Variants in RASGRF2 observed in about 807,000 individuals in gnomAD.
The protein encoded by RASGRF2 is Ras protein specific guanine nucleotide releasing factor 2.
Under a neutral mutation model 151.0 loss-of-function variants are expected in RASGRF2, and 76 were observed. The observed-to-expected ratio is 0.50, with a 90% CI of 0.42 to 0.61. The LOEUF (loss-of-function observed/expected upper bound fraction) is 0.61. Among genes scored for constraint, RASGRF2 ranks in the 20% least tolerant of loss-of-function variants. The pLI is 0.00. For missense variants in RASGRF2, 1,148 were observed against 1,564.6 expected (o/e 0.73, Z 4.49); for synonymous variants, 504 against 566.5 (o/e 0.89, Z 1.57).
chr5:81,144,336 A>G (rs531384185), intron 17 of RASGRF2, among the ~76,000 whole-genome samples: 7 of 152,332 alleles, frequency 4.6e-5, no homozygotes, highest in Non-Finnish European at 8.8e-5. Flanking sequence ...GGGGCTTTCA[A>G]TCTGCCAGGA....
intron 17 of RASGRF2, among the ~76,000 whole-genome samples, chr5:81,176,441 A>T (rs888960563): frequency 2.0e-5 from 3 of 152,160 alleles, no homozygotes; most frequent in Non-Finnish European, 4.4e-5. Flanking sequence ...CTATTGTATT[A>T]ATATCTCACA....
intron 25 of RASGRF2, among the ~76,000 whole-genome samples, chr5:81,218,033 C>A (rs188457614): frequency 1.3e-5 from 2 of 152,068 alleles, no homozygotes; most frequent in Non-Finnish European, 2.9e-5. Flanking sequence ...TGAGCTACCG[C>A]ACCTGGCGAC....
intron 18 of RASGRF2, among the ~76,000 whole-genome samples, chr5:81,190,806 T>G (rs1453476535): frequency 6.6e-6 from 1 of 152,246 alleles, no homozygotes; most frequent in African/African-American, 2.4e-5. Flanking sequence ...TTTTAGGAAG[T>G]GTGCCTTCAA....
At chr5:81,062,804 A>G (rs999204829) in intron 2 of RASGRF2, among the ~76,000 whole-genome samples, 1 of 151,900 alleles carries the variant, frequency 6.6e-6, no homozygotes, top group Non-Finnish European at 1.5e-5. Flanking sequence ...ATTCAATGTC[A>G]TTTTATTGTC....
chr5:81,161,194 T>TC (rs1754375860), intron 17 of RASGRF2, among the ~76,000 whole-genome samples: 1 of 152,162 alleles, frequency 6.6e-6, no homozygotes, highest in Admixed American at 6.5e-5. Context: ...CTCAGATGGG[T>TC]CAAGGACTCA....
intron 1 of RASGRF2, among the ~76,000 whole-genome samples, chr5:81,003,476 G>A (rs953294357): frequency 3.3e-5 from 5 of 152,064 alleles, no homozygotes; most frequent in African/African-American, 9.7e-5. Flanking sequence ...GCCCGCCTTG[G>A]CCTCCCAAAG....
At chr5:81,026,594 A>G (rs554363458) in intron 1 of RASGRF2, among the ~76,000 whole-genome samples, 1 of 152,336 alleles carries the variant, frequency 6.6e-6, no homozygotes, top group African/African-American at 2.4e-5. Context: ...AATGGGAGAG[A>G]GAATGCTTGG....
Position 81,123,641 on chromosome 5 carries a change from G to T in RASGRF2, c.2471-1G>T, listed in dbSNP as rs1372445602. On this transcript the variant is annotated splice_acceptor_variant, in intron 15 of 26. Transcript: ENST00000265080. LOFTEE classifies it high-confidence loss of function. ...TTAAAATTCATGATGTTTTCAAGCAGCAGTCCTAGAGTCTGCACCAGCGGA... is the reference window on the plus strand; with the variant it reads ...TTAAAATTCATGATGTTTTCAAGCATCAGTCCTAGAGTCTGCACCAGCGGA... The T allele has an allele frequency of 6.2e-7, 1 of 1,607,288 alleles. No individual in the cohort carries two copies. The highest frequency in any genetic ancestry group is 8.5e-7 in the Non-Finnish European group (1 of 1,177,358).
At chr5:81,107,389 T>C (rs1203137542) in intron 12 of RASGRF2, among the ~76,000 whole-genome samples, 1 of 152,152 alleles carries the variant, frequency 6.6e-6, no homozygotes, top group Non-Finnish European at 1.5e-5. Context: ...CAAGATATTG[T>C]TGAGGACATT....
intron 1 of RASGRF2, among the ~76,000 whole-genome samples, chr5:80,965,108 T>A (rs182317199): frequency 6.6e-6 from 1 of 152,254 alleles, no homozygotes; most frequent in African/African-American, 2.4e-5. Flanking sequence ...TTTAAAGGGA[T>A]TAAAGGCTAT....
chr5:81,068,256 C>T (rs1384689100), intron 3 of RASGRF2, 77 bp downstream of exon 3: 2 of 1,498,208 alleles, frequency 1.3e-6, no homozygotes, highest in Non-Finnish European at 1.8e-6. Flanking sequence ...AAGGCCTATT[C>T]AGGGCAACAT....
chr5:81,031,532 C>T (rs990958116), intron 1 of RASGRF2, among the ~76,000 whole-genome samples: 2 of 152,208 alleles, frequency 1.3e-5, no homozygotes, highest in Non-Finnish European at 2.9e-5. Flanking sequence ...AACTGAACAA[C>T]CTGCTCCTGA....
At chr5:81,104,615 A>G (rs1752794187) in intron 12 of RASGRF2, among the ~76,000 whole-genome samples, 2 of 152,176 alleles carry the variant, frequency 1.3e-5, no homozygotes, top group Admixed American at 1.3e-4. Context: ...CATATTAGGT[A>G]TGAAAAGCCA....
intron 7 of RASGRF2, among the ~76,000 whole-genome samples, chr5:81,081,083 A>G (rs1752073019): frequency 6.6e-6 from 1 of 152,208 alleles, no homozygotes. Flanking sequence ...GACCTCTTTC[A>G]TGGAGTCTCC....
chr5:80,967,876 A>C (rs1345620482), intron 1 of RASGRF2, among the ~76,000 whole-genome samples: 1 of 152,244 alleles, frequency 6.6e-6, no homozygotes, highest in Non-Finnish European at 1.5e-5. Flanking sequence ...ATTAATATGA[A>C]TTTGCTTTCT....
chr5:81,220,859 A>AC (rs1276410858), intron 26 of RASGRF2, among the ~76,000 whole-genome samples: 2 of 152,174 alleles, frequency 1.3e-5, no homozygotes, highest in Non-Finnish European at 1.5e-5. Flanking sequence ...CCCATCCAGG[A>AC]CACCACATGT....
intron 21 of RASGRF2, 45 bp downstream of exon 21, chr5:81,207,394 G>A (rs776788768): frequency 1.3e-6 from 2 of 1,516,776 alleles, no homozygotes; most frequent in South Asian, 1.1e-5. Flanking sequence ...TGCTCTAGCT[G>A]TCTTAGAAGT....
Position 81,185,652 on chromosome 5 carries a change from C to T in RASGRF2, c.2793+5371C>T, listed in dbSNP as rs186139472. Among the ~76,000 whole-genome samples the T allele has an allele frequency of 2.1e-3, 324 of 152,238 alleles. 1 individual carries two copies. The highest frequency in any genetic ancestry group is 3.7e-3 in the Non-Finnish European group (250 of 68,016). ...CTAGAGAGAGCCAGGGCTGGGCTCCCCTTACACTATCATACTAAATTATTG... is the reference window on the plus strand; with the variant it reads ...CTAGAGAGAGCCAGGGCTGGGCTCCTCTTACACTATCATACTAAATTATTG... On this transcript the variant is annotated intron_variant, in intron 18 of 26. Transcript: ENST00000265080.
chr5:81,005,411 G>A (rs1418380319), intron 1 of RASGRF2, among the ~76,000 whole-genome samples: 1 of 152,098 alleles, frequency 6.6e-6, no homozygotes. Context: ...CAGCTTGAGG[G>A]TAATGGCTCC....
Sources: gnomAD v4.1 joint callset for allele counts (sites outside exome capture counted in the v4.1 genomes callset) on GRCh38, gnomAD v4.1.1 for gene constraint, MANE v1.5 for transcripts, NCBI Gene and HGNC (gene_info 2026-07-23, HGNC 2026-07-21) for gene names.